The following AGFG1 variants were observed in gnomAD, a reference collection of about 807,000 sequenced individuals.
AGFG1 encodes the protein arf-GAP domain and FG repeat-containing protein 1.
In AGFG1, 10 loss-of-function variants were observed where a neutral mutation model predicts 60.6. The observed-to-expected ratio is 0.16, with a 90% CI of 0.10 to 0.28. AGFG1 has a LOEUF of 0.28. AGFG1 is among the 10% of genes least tolerant of loss of function. The probability of loss-of-function intolerance (pLI) is 1.00; values close to 1 mark genes in which losing one functional copy is unlikely to be tolerated. For synonymous variants in AGFG1, 247 were observed against 242.9 expected, an observed-to-expected ratio of 1.02 and a Z score of -0.16; for missense variants, 537 against 676.5, an observed-to-expected ratio of 0.79 and a Z score of 2.29.
rs1015771660 is a variant in AGFG1 at position 227,505,707 on chromosome 2, A to G, written c.261+14067A>G. On this transcript the variant is annotated intron_variant, in intron 2 of 12. Transcript: ENST00000310078. Reference sequence around the variant, plus strand: ...TTATTTATTGCAAGGATGTTTTCTTATATGATATGGTCTTTTTATTTTGTT... The same window carrying G: ...TTATTTATTGCAAGGATGTTTTCTTGTATGATATGGTCTTTTTATTTTGTT... Among the ~76,000 whole-genome samples, 4 of 151,960 alleles carry G rather than the reference A, an allele frequency of 2.6e-5. No individual in the cohort carries two copies. The East Asian group carries it at 5.8e-4, about 22-fold the overall frequency.
intron 9 of AGFG1, 82 bp downstream of exon 9, chr2:227,536,786 A>G (rs1692328011): frequency 1.3e-6 from 2 of 1,561,306 alleles, no homozygotes; most frequent in Non-Finnish European, 1.8e-6. Flanking sequence ...AGTCAAAGCA[A>G]TGATTTGTTA....
intron 10 of AGFG1, among the ~76,000 whole-genome samples, chr2:227,540,713 TAATGGGATGGTTGGGTCA>T (rs1364625534): frequency 6.6e-6 from 1 of 152,184 alleles, no homozygotes; most frequent in Non-Finnish European, 1.5e-5. Context: ...ATATACCCAG[TAATGGGATGGTTGGGTCA>T]AATGGTATTT....
intron 2 of AGFG1, among the ~76,000 whole-genome samples, chr2:227,513,429 G>T (rs1691552240): frequency 6.6e-6 from 1 of 152,138 alleles, no homozygotes; most frequent in South Asian, 2.1e-4. Context: ...GGAGAGAGAG[G>T]TTAGGATTTT....
intron 2 of AGFG1, among the ~76,000 whole-genome samples, chr2:227,509,420 C>T (rs1691428219): frequency 6.6e-6 from 1 of 151,990 alleles, no homozygotes; most frequent in South Asian, 2.1e-4. Flanking sequence ...AAAACCTTTT[C>T]TTTTTGCTAT....
chr2:227,474,887 TA>T (rs1318840118), intron 1 of AGFG1, among the ~76,000 whole-genome samples: 1 of 152,230 alleles, frequency 6.6e-6, no homozygotes, highest in Non-Finnish European at 1.5e-5. Context: ...ATTTTTCTCT[TA>T]TATGAAACAG....
chr2:227,492,825 T>C (rs1559171270), intron 2 of AGFG1, among the ~76,000 whole-genome samples: 3 of 152,192 alleles, frequency 2.0e-5, no homozygotes, highest in South Asian at 4.1e-4. Context: ...AGGAGGCTTT[T>C]AATGAAGAGT....
At chr2:227,544,145 T>TC (rs1692572976) in intron 10 of AGFG1, among the ~76,000 whole-genome samples, 1 of 122,542 alleles carries the variant, frequency 8.2e-6, no homozygotes. Flanking sequence ...CCATTCTGTG[T>TC]CTTTTTTTTT....
chr2:227,496,110 CA>C (rs748201686), intron 2 of AGFG1, among the ~76,000 whole-genome samples: 26 of 37,286 alleles, frequency 7.0e-4, no homozygotes, highest in East Asian at 6.7e-4. Flanking sequence ...GAGACTGTCT[CA>C]AAAAAAAAAA....
Position 227,560,063 on chromosome 2 carries a change from A to AT in AGFG1, c.*5572dup, listed in dbSNP as rs1179105666. 6.6e-6 allele frequency: 1 copy of AT among 152,062 alleles called. No homozygotes were observed. Among genetic ancestry groups the AT allele is most frequent in the Non-Finnish European group, 1.5e-5 (1 of 67,954 alleles). The allele number at this position is 152,062 out of a possible 1,614,324, so 9.4% of individuals were successfully genotyped here. A position where few individuals can be genotyped will look rare whatever the true frequency, so the allele number is the denominator to read the frequency against. On this transcript the variant is annotated 3_prime_UTR_variant, in exon 13 of 13. Transcript: ENST00000310078. ...TAGTCTTTAAGAAATGTTATCGTTT[A>AT]TTTTATATATGGCTCTCTCTCTGTA...
intron 1 of AGFG1, among the ~76,000 whole-genome samples, chr2:227,485,403 ATTT>A (rs10718894): frequency 1.7e-4 from 23 of 135,410 alleles, no homozygotes; most frequent in Non-Finnish European, 1.7e-4. Context: ...TGCCCAGCTA[ATTT>A]TTTTTTTTTT....
intron 5 of AGFG1, among the ~76,000 whole-genome samples, chr2:227,525,480 A>T (rs1691966334): frequency 6.6e-6 from 1 of 152,240 alleles, no homozygotes; most frequent in Non-Finnish European, 1.5e-5. Flanking sequence ...ATATGTACAT[A>T]CATGCATATA....
In AGFG1 at chr2:227,472,458, C is replaced by T. The variant is rs758349148; in HGVS notation, c.37C>T (p.His13Tyr). 2 of 1,559,828 alleles carry T rather than the reference C, an allele frequency of 1.3e-6. No homozygotes were observed. Among genetic ancestry groups the T allele is most frequent in the South Asian group, 1.2e-5 (1 of 86,624 alleles). ...ASAKRKQEEK[H>Y]LKMLRDMTGL... ...CGCGAAGCGGAAGCAGGAGGAGAAG[C>T]ACCTGAAGATGCTGCGGGACATGAC... is the stretch of plus-strand genomic sequence containing the variant. The change falls in exon 1 of 13, where the codon CAC (histidine) becomes TAC (tyrosine). Residue 13 changes from histidine (H) to tyrosine (Y), a missense_variant. By Grantham distance (83) the His-to-Tyr change is moderately conservative. This residue lies in a region of AGFG1 where 120 missense variants were observed against 198.5 expected (regional missense o/e 0.60). Transcript: ENST00000310078.
At chr2:227,539,486 T>G (rs948347907) in intron 10 of AGFG1, among the ~76,000 whole-genome samples, 1 of 150,694 alleles carries the variant, frequency 6.6e-6, no homozygotes, top group African/African-American at 2.4e-5. Flanking sequence ...AATTATATTT[T>G]GAGGTACCCT....
chr2:227,514,375 C>T (rs895944477), intron 2 of AGFG1, among the ~76,000 whole-genome samples: 4 of 152,106 alleles, frequency 2.6e-5, no homozygotes, highest in Non-Finnish European at 4.4e-5. Context: ...CCATGCCCGG[C>T]TTATTTTTTT....
intron 1 of AGFG1, among the ~76,000 whole-genome samples, chr2:227,481,174 A>G (rs1007297526): frequency 4.0e-5 from 5 of 125,444 alleles, no homozygotes; most frequent in Admixed American, 1.9e-4. Flanking sequence ...ATTTTCTCCA[A>G]TCTTCTTTTT....
intron 1 of AGFG1, among the ~76,000 whole-genome samples, chr2:227,482,013 C>A (rs561273744): frequency 1.3e-3 from 194 of 151,970 alleles, no homozygotes; most frequent in African/African-American, 4.4e-3. Flanking sequence ...CTACAGGCGC[C>A]CGCCACCTTG....
At chr2:227,532,397 TTAA>T (rs1575103756) in intron 6 of AGFG1, among the ~76,000 whole-genome samples, 1 of 152,180 alleles carries the variant, frequency 6.6e-6, no homozygotes, top group African/African-American at 2.4e-5. Context: ...GTTACTTGGT[TTAA>T]TAATAATTTG....
chr2:227,483,650 T>C (rs1203965084), intron 1 of AGFG1, among the ~76,000 whole-genome samples: 1 of 152,262 alleles, frequency 6.6e-6, no homozygotes, highest in African/African-American at 2.4e-5. Context: ...GTTGTTTATC[T>C]TAATAGTTTG....
At chr2:227,485,169 A>G (rs1395591659) in intron 1 of AGFG1, among the ~76,000 whole-genome samples, 3 of 151,718 alleles carry the variant, frequency 2.0e-5, no homozygotes, top group South Asian at 2.1e-4. Context: ...CTACGAGCCA[A>G]ATTTTGTTCC....
Sources: allele counts gnomAD v4.1 joint callset (sites outside exome capture counted in the v4.1 genomes callset), GRCh38; gene constraint gnomAD v4.1.1; regional missense constraint gnomAD v4.1.1; transcripts MANE v1.5; gene names NCBI Gene and HGNC (gene_info 2026-07-23, HGNC 2026-07-21).